Variants in MAP2K5 observed in about 807,000 individuals in gnomAD.
The protein encoded by MAP2K5 is dual specificity mitogen-activated protein kinase kinase 5.
MAP2K5 carries 49 observed loss-of-function variants against 83.1 expected under a neutral mutation model. The observed-to-expected ratio is 0.59, with a 90% CI of 0.47 to 0.75. The LOEUF (loss-of-function observed/expected upper bound fraction) is 0.75, where lower values mean the gene tolerates loss of function less well. MAP2K5 is among the 30% of genes least tolerant of loss of function. MAP2K5 has a pLI of 0.00. For synonymous variants in MAP2K5, 202 were observed against 191.8 expected (o/e 1.05, Z -0.44); for missense variants, 457 against 557.5 (o/e 0.82, Z 1.82).
intron 14 of MAP2K5, among the ~76,000 whole-genome samples, chr15:67,693,134 T>C (rs1467253414): frequency 6.6e-6 from 1 of 152,212 alleles, no homozygotes; most frequent in Non-Finnish European, 1.5e-5. Flanking sequence ...GTATTTAGTG[T>C]TCATTTCATT....
Position 67,749,223 on chromosome 15 carries a change from G to T in MAP2K5, c.1134+622G>T, listed in dbSNP as rs1039951888. Among the ~76,000 whole-genome samples the T allele has an allele frequency of 6.6e-6, 1 of 152,056 alleles. No homozygotes were observed. The highest frequency in any genetic ancestry group is 2.4e-5 in the African/African-American group (1 of 41,386). On this transcript the variant is annotated intron_variant, in intron 19 of 21. Coordinates refer to ENST00000178640, the MANE Select transcript of MAP2K5 (RefSeq NM_145160.3). The surrounding 1 kb of genome is among the most constrained non-coding windows in gnomAD (Gnocchi z 4.6). ...ATTCCACTGTTCCTTTGCCTTCATGGTGCTAATCTACCTGCCTTTCTCTCT... is the reference window on the plus strand; with the variant it reads ...ATTCCACTGTTCCTTTGCCTTCATGTTGCTAATCTACCTGCCTTTCTCTCT...
chr15:67,723,523 A>G (rs2141243165), intron 16 of MAP2K5, among the ~76,000 whole-genome samples: 1 of 152,324 alleles, frequency 6.6e-6, no homozygotes. Context: ...CCCGCAAGAG[A>G]GTCTTCAGCA....
intron 7 of MAP2K5, among the ~76,000 whole-genome samples, chr15:67,596,716 C>T (rs1407929603): frequency 1.3e-5 from 2 of 152,188 alleles, no homozygotes; most frequent in African/African-American, 4.8e-5. Flanking sequence ...TCAGCAGGAG[C>T]AGAGCTCAGT....
intron 11 of MAP2K5, among the ~76,000 whole-genome samples, chr15:67,657,841 A>C (rs2087126377): frequency 6.6e-6 from 1 of 152,070 alleles, no homozygotes; most frequent in African/African-American, 2.4e-5. Context: ...GTTTAGCTTT[A>C]TGAAAATTTG....
intron 7 of MAP2K5, among the ~76,000 whole-genome samples, chr15:67,600,091 G>A (rs1287446848): frequency 1.3e-5 from 2 of 152,062 alleles, no homozygotes; most frequent in African/African-American, 2.4e-5. Context: ...TGCATCTTAA[G>A]TGCATTGATT....
chr15:67,592,124 A>AAAAAG (rs1323021396), intron 6 of MAP2K5, among the ~76,000 whole-genome samples: 1 of 151,326 alleles, frequency 6.6e-6, no homozygotes, highest in African/African-American at 2.4e-5. Flanking sequence ...GTCTCAAAAA[A>AAAAAG]AAAAAAAAAA....
rs752048890 is a variant in MAP2K5 at position 67,600,724 on chromosome 15, C to T, written c.520C>T (p.His174Tyr). Residue 174 changes from histidine to tyrosine, a missense_variant, in exon 8 of 22, where the codon CAT becomes TAT. Physicochemically the swap from His to Tyr is moderately conservative, Grantham distance 83. Coordinates refer to ENST00000178640, the MANE Select transcript of MAP2K5 (RefSeq NM_145160.3). ...CATACGATATCGGGACACTCTTGGT[C>T]ATGGCAACGGAGGCACAGTCTACAA... Reference protein sequence around the residue: ...QDIRYRDTLGHGNGGTVYKAY... With the variant: ...QDIRYRDTLGYGNGGTVYKAY... 9.3e-6 allele frequency: 15 copies of T among 1,608,606 alleles called. No homozygotes were observed. The highest frequency in any genetic ancestry group is 1.7e-5 in the Admixed American group (1 of 58,176).
intron 16 of MAP2K5, among the ~76,000 whole-genome samples, chr15:67,711,297 A>G (rs2088686547): frequency 6.6e-6 from 1 of 152,236 alleles, no homozygotes; most frequent in African/African-American, 2.4e-5. Context: ...AAATGCCCGT[A>G]AGTGTTTGGA....
rs777358867 is a variant in MAP2K5, at chr15:67,699,767, AT to A, written c.973-3564del. Among the ~76,000 whole-genome samples, 6 of 152,152 alleles carry A rather than the reference AT, an allele frequency of 3.9e-5. No homozygotes were observed. The East Asian group carries it at 5.8e-4, about 15-fold the overall frequency. On this transcript the variant is annotated intron_variant, in intron 15 of 21. Transcript: ENST00000178640. ...GATGCATACAGACTTAAGATCACAC[AT>A]TTTTTAAGTGACATAGTAGATTTTT...
At chr15:67,549,956 A>G (rs1244516866) in intron 1 of MAP2K5, 78 bp from the exon 2 acceptor site, 9 of 1,054,258 alleles carry the variant, frequency 8.5e-6, no homozygotes, top group Admixed American at 1.7e-5. Context: ...CCAGGTTCTC[A>G]TATTTCCTGT....
At chr15:67,598,553 G>A (rs191306443) in intron 7 of MAP2K5, among the ~76,000 whole-genome samples, 6 of 152,192 alleles carry the variant, frequency 3.9e-5, no homozygotes, top group Admixed American at 1.3e-4. Context: ...TGCCCTGACA[G>A]TGTTGGATGC....
intron 8 of MAP2K5, among the ~76,000 whole-genome samples, chr15:67,619,087 A>T (rs1175719331): frequency 1.3e-5 from 2 of 152,078 alleles, no homozygotes; most frequent in East Asian, 3.9e-4. Context: ...TTCTGCATAC[A>T]TGTCAAGCAC....
chr15:67,641,385 G>C, intron 9 of MAP2K5: 1 of 517,252 alleles, frequency 1.9e-6, no homozygotes, highest in Non-Finnish European at 2.6e-6. Flanking sequence ...GATTAAATAA[G>C]TGAATTAAAA....
chr15:67,605,421 C>T (rs2085758463), intron 8 of MAP2K5, among the ~76,000 whole-genome samples: 2 of 152,128 alleles, frequency 1.3e-5, no homozygotes, highest in East Asian at 1.9e-4. Context: ...TTGAGAAATT[C>T]TGCCTTTATA....
chr15:67,752,923 G>A (rs1415045747), intron 19 of MAP2K5, among the ~76,000 whole-genome samples: 1 of 150,992 alleles, frequency 6.6e-6, no homozygotes, highest in Non-Finnish European at 1.5e-5. Flanking sequence ...AAACAATGTT[G>A]CAAGATTTAT....
At position 67,562,151 on chromosome 15, in the gene MAP2K5, G is replaced by C. The variant is rs2084749699; in HGVS notation, c.185-1132G>C. Among the ~76,000 whole-genome samples the C allele has an allele frequency of 6.6e-6, 1 of 152,144 alleles. No homozygotes were observed. Among genetic ancestry groups the C allele is most frequent in the Non-Finnish European group, 1.5e-5 (1 of 68,030 alleles). The stretch of plus-strand genomic sequence containing the variant: ...CTGCCCCTTCCAAGTTGTCCCCTTG[G>C]GAGGCTCTGTACGTTGCTCCAGACG... On this transcript the variant is annotated intron_variant, in intron 2 of 21. Coordinates refer to ENST00000178640, the MANE Select transcript of MAP2K5 (RefSeq NM_145160.3). This position sits in a 1 kb window ranked among gnomAD's most constrained non-coding sequence, Gnocchi z 4.1.
In MAP2K5 at chr15:67,802,247, G is replaced by C. The variant is rs1223460669; in HGVS notation, c.1243-4399G>C. Reference sequence around the variant, plus strand: ...ACTGACTAAAGCCCAGGTGGAGGAGGGAGCGGTGAGCAACCACAATTCATC... The same window carrying C: ...ACTGACTAAAGCCCAGGTGGAGGAGCGAGCGGTGAGCAACCACAATTCATC... On this transcript the variant is annotated intron_variant, in intron 21 of 21. Coordinates refer to ENST00000178640, the MANE Select transcript of MAP2K5 (RefSeq NM_145160.3). This position sits in a 1 kb window ranked among gnomAD's most constrained non-coding sequence, Gnocchi z 5.0. Among the ~76,000 whole-genome samples the C allele has an allele frequency of 2.0e-5, 3 of 148,862 alleles. No individual in the cohort carries two copies. The highest frequency in any genetic ancestry group is 7.8e-5 in the African/African-American group (3 of 38,238).
At position 67,565,743 on chromosome 15, in the gene MAP2K5, A is replaced by G. The variant is rs2084823645; in HGVS notation, c.252+2393A>G. On this transcript the variant is annotated intron_variant, in intron 3 of 21. Transcript: ENST00000178640. The surrounding 1 kb of genome is among the most constrained non-coding windows in gnomAD (Gnocchi z 4.1). ...ACTTGGGTCCACTTTTTTTTATCTG[A>G]ATAGAAGTCATCTATCTCATTGATG... Among the ~76,000 whole-genome samples, 1 of 152,036 alleles carries G rather than the reference A, an allele frequency of 6.6e-6. No individual in the cohort carries two copies. The highest frequency in any genetic ancestry group is 2.4e-5 in the African/African-American group (1 of 41,370).
At chr15:67,699,754 C>T (rs746373932) in intron 15 of MAP2K5, among the ~76,000 whole-genome samples, 20 of 152,164 alleles carry the variant, frequency 1.3e-4, no homozygotes, top group Non-Finnish European at 2.6e-4. Context: ...TGCATACAGA[C>T]TTAAGATCAC....
Sources: gnomAD v4.1 joint callset for allele counts (sites outside exome capture counted in the v4.1 genomes callset) on GRCh38, gnomAD v4.1.1 for gene constraint, Gnocchi (gnomAD v3.1) non-coding constraint, MANE v1.5 for transcripts, NCBI Gene and HGNC (gene_info 2026-07-23, HGNC 2026-07-21) for gene names.